Variants in WWOX observed in about 807,000 individuals in gnomAD.
The protein encoded by WWOX is WW domain containing oxidoreductase.
Under a neutral mutation model 46.2 loss-of-function variants are expected in WWOX, and 69 were observed. The ratio of observed to expected loss-of-function variants is 1.49; its 90% CI spans 1.23 to 1.82. The LOEUF is 1.82. WWOX is among the 40% of genes most tolerant of loss of function. The probability of loss-of-function intolerance (pLI) is 0.00; values close to 1 mark genes in which losing one functional copy is unlikely to be tolerated. For synonymous variants in WWOX, 359 were observed against 202.6 expected, an observed-to-expected ratio of 1.77 and a Z score of -6.56; for missense variants, 919 against 542.6, an observed-to-expected ratio of 1.69 and a Z score of -6.89.
At chr16:79,143,884 A>G (rs1321936050) in intron 8 of WWOX, among the ~76,000 whole-genome samples, 9 of 152,098 alleles carry the variant, frequency 5.9e-5, no homozygotes, top group African/African-American at 1.9e-4. Flanking sequence ...ATACCCACCC[A>G]TAGTCATGAA....
chr16:78,877,795 C>T (rs935991725), intron 8 of WWOX, among the ~76,000 whole-genome samples: 38 of 152,122 alleles, frequency 2.5e-4, no homozygotes, highest in African/African-American at 8.0e-4. Context: ...CTAGAAATAT[C>T]CTTGGATGTA....
intron 8 of WWOX, among the ~76,000 whole-genome samples, chr16:78,849,037 G>C (rs180683465): frequency 1.1e-3 from 163 of 152,278 alleles, no homozygotes; most frequent in Admixed American, 2.6e-3. Context: ...GTGGCCACCA[G>C]ACTGCCATGG....
At chr16:78,478,675 G>T (rs2084412919) in intron 8 of WWOX, among the ~76,000 whole-genome samples, 1 of 152,162 alleles carries the variant, frequency 6.6e-6, no homozygotes, top group South Asian at 2.1e-4. Context: ...TGCACTGGCT[G>T]GCAGGAAAGA....
intron 5 of WWOX, among the ~76,000 whole-genome samples, chr16:78,254,365 G>A (rs1230621297): frequency 6.6e-6 from 1 of 151,376 alleles, no homozygotes; most frequent in African/African-American, 2.4e-5. Flanking sequence ...GATTACAGGT[G>A]TGAGCCACCA....
intron 8 of WWOX, among the ~76,000 whole-genome samples, chr16:78,864,127 C>T (rs185027087): frequency 6.6e-6 from 1 of 152,184 alleles, no homozygotes; most frequent in East Asian, 1.9e-4. Context: ...TCAAGCCAAA[C>T]TACCTACCTA....
rs531678194 is a variant in WWOX, at chr16:79,118,170, A to T, written c.1057-93438A>T. ...ATGCAACTCTGACTTTCTCTTGGGCACTGAAAAGCCATTGAAGGGTTGTAA... is the reference window on the plus strand; with the variant it reads ...ATGCAACTCTGACTTTCTCTTGGGCTCTGAAAAGCCATTGAAGGGTTGTAA... On this transcript the variant is annotated intron_variant, in intron 8 of 8. Transcript: ENST00000566780. Among the ~76,000 whole-genome samples, 16 of 152,350 alleles carry T rather than the reference A, an allele frequency of 1.1e-4. No homozygotes were observed. In the East Asian group the frequency reaches 2.9e-3, roughly 28 times the overall value.
At chr16:78,611,310 C>T (rs1755638829) in intron 8 of WWOX, among the ~76,000 whole-genome samples, 1 of 152,200 alleles carries the variant, frequency 6.6e-6, no homozygotes, top group Non-Finnish European at 1.5e-5. Context: ...TTTAAATCCC[C>T]TGTCAACGCA....
Position 78,515,455 on chromosome 16 carries a change from C to G in WWOX, c.1056+82703C>G, listed in dbSNP as rs2085465397. ...GGCACACTGAGATGAGACACCAGCT[C>G]TTTTTATTTATTTCTAATGGTTTGC... On this transcript the variant is annotated intron_variant, in intron 8 of 8. Transcript: ENST00000566780. Among the ~76,000 whole-genome samples, 4 of 152,242 alleles carry G rather than the reference C, an allele frequency of 2.6e-5. No homozygotes were observed. In the South Asian group the frequency reaches 8.3e-4, roughly 32 times the overall value.
intron 8 of WWOX, among the ~76,000 whole-genome samples, chr16:78,658,113 G>T (rs930486821): frequency 6.6e-6 from 1 of 152,058 alleles, no homozygotes; most frequent in African/African-American, 2.4e-5. Flanking sequence ...CCCACTAGAT[G>T]CCAGTAGCAT....
At chr16:78,402,168 G>A (rs2082427946) in intron 6 of WWOX, among the ~76,000 whole-genome samples, 1 of 152,186 alleles carries the variant, frequency 6.6e-6, no homozygotes, top group Non-Finnish European at 1.5e-5. Flanking sequence ...AAGGCAATCA[G>A]CAGTCTGCTT....
At chr16:79,164,282 T>C (rs2050547827) in intron 8 of WWOX, among the ~76,000 whole-genome samples, 1 of 152,348 alleles carries the variant, frequency 6.6e-6, no homozygotes, top group African/African-American at 2.4e-5. Flanking sequence ...TTTGTTTTTT[T>C]CCTTCCACCA....
At chr16:78,590,413 A>C (rs1193865775) in intron 8 of WWOX, among the ~76,000 whole-genome samples, 3 of 152,204 alleles carry the variant, frequency 2.0e-5, no homozygotes, top group African/African-American at 7.2e-5. Context: ...AATGGTCAAG[A>C]AGGGTGCGGG....
intron 8 of WWOX, among the ~76,000 whole-genome samples, chr16:78,923,803 T>G (rs1200440543): frequency 7.0e-6 from 1 of 142,358 alleles, no homozygotes. Flanking sequence ...AGTTTTTTTT[T>G]TTTTTTTTTT....
chr16:79,154,004 G>C (rs909628638), intron 8 of WWOX, among the ~76,000 whole-genome samples: 1 of 152,108 alleles, frequency 6.6e-6, no homozygotes, highest in Non-Finnish European at 1.5e-5. Context: ...TTTAGAATTT[G>C]GGAGAAAAAG....
intron 8 of WWOX, among the ~76,000 whole-genome samples, chr16:79,124,674 G>C (rs1256179038): frequency 1.3e-5 from 2 of 152,172 alleles, no homozygotes; most frequent in African/African-American, 2.4e-5. Flanking sequence ...AAGAAAAGAA[G>C]GGTGATGGGT....
intron 8 of WWOX, among the ~76,000 whole-genome samples, chr16:79,169,285 T>G (rs1301443949): frequency 5.3e-5 from 8 of 152,072 alleles, no homozygotes; most frequent in Non-Finnish European, 1.0e-4. Flanking sequence ...CTGAGACTTG[T>G]GATGTGTTAG....
chr16:79,029,113 A>T (rs547009648), intron 8 of WWOX, among the ~76,000 whole-genome samples: 3 of 152,316 alleles, frequency 2.0e-5, no homozygotes, highest in Middle Eastern at 3.4e-3. Flanking sequence ...GAGGTATCTC[A>T]GGATAGCAAC....
At position 78,955,700 on chromosome 16, in the gene WWOX, G is replaced by A. The variant is rs1381734052; in HGVS notation, c.1057-255908G>A. On this transcript the variant is annotated intron_variant, in intron 8 of 8. Transcript: ENST00000566780. ...GGGTCTTGCTCTATTGCCCAGGCTG[G>A]ATGGAGTGCAGTGGCCCAATCATGG... 1.3e-5 allele frequency among the ~76,000 whole-genome samples: 2 copies of A among 151,204 alleles called. 1 individual carries two copies. The highest frequency in any genetic ancestry group is 4.9e-5 in the African/African-American group (2 of 41,112).
intron 8 of WWOX, among the ~76,000 whole-genome samples, chr16:78,652,366 G>A (rs148058657): frequency 9.0e-4 from 127 of 141,436 alleles, no homozygotes; most frequent in African/African-American, 3.4e-3. Context: ...TCAAGGTCAC[G>A]CCAGTGTACT....
Sources: allele counts gnomAD v4.1 joint callset (sites outside exome capture counted in the v4.1 genomes callset), GRCh38; gene constraint gnomAD v4.1.1; transcripts MANE v1.5; gene names NCBI Gene and HGNC (gene_info 2026-07-23, HGNC 2026-07-21).